INSL6: variants seen among roughly 807,000 people sequenced by gnomAD.
The protein encoded by INSL6 is insulin-like peptide INSL6.
A neutral mutation model predicts 9.4 loss-of-function variants in INSL6; 16 were observed. The ratio of observed to expected loss-of-function variants is 1.70; its 90% CI spans 1.15 to 2.59. INSL6 has a LOEUF of 2.59. Ranked by LOEUF, INSL6 falls within the 30% of genes most tolerant of loss-of-function variation. The pLI is 0.00. For synonymous variants in INSL6, 154 were observed against 96.9 expected (o/e 1.59, Z -3.46); for missense variants, 391 against 257.3 (o/e 1.52, Z -3.56).
At chr9:5,079,639 A>T in the INSL6 span, among the ~76,000 whole-genome samples, 3 of 152,034 alleles carry the variant, frequency 2.0e-5, no homozygotes, top group Non-Finnish European at 1.5e-5. Context: ...AGGATAAACT[A>T]TATAAAAAAA....
the INSL6 span, chr9:5,022,281 A>G: frequency 8.1e-6 from 8 of 987,588 alleles, no homozygotes; most frequent in Non-Finnish European, 1.3e-5. Flanking sequence ...TGCTAATACT[A>G]GGTACATGCA....
At chr9:5,073,713 G>A in the INSL6 span, 2 of 1,610,922 alleles carry the variant, frequency 1.2e-6, no homozygotes, top group African/African-American at 2.7e-5. Flanking sequence ...CTTTGAAGCA[G>A]CAAGTATGAT....
intron 2 of INSL6, among the ~76,000 whole-genome samples, chr9:5,141,602 T>A (rs1824503508): frequency 6.6e-6 from 1 of 152,236 alleles, no homozygotes; most frequent in African/African-American, 2.4e-5. Context: ...AAGTTCCTTA[T>A]AGATGCTGGA....
chr9:5,066,817 A>T, the INSL6 span: 3 of 1,016,444 alleles, frequency 3.0e-6, no homozygotes, highest in Non-Finnish European at 4.3e-6. Flanking sequence ...ATTAGTGGTA[A>T]CACTTTATTT....
the INSL6 span, among the ~76,000 whole-genome samples, chr9:5,002,933 AG>A: frequency 6.6e-6 from 1 of 151,960 alleles, no homozygotes; most frequent in African/African-American, 2.4e-5. Context: ...ATAGAAGTTA[AG>A]GTTATTTTTT....
chr9:5,028,981 C>T, the INSL6 span, among the ~76,000 whole-genome samples: 1 of 152,178 alleles, frequency 6.6e-6, no homozygotes, highest in Non-Finnish European at 1.5e-5. Flanking sequence ...TTTTTAATTT[C>T]ATTCAAAAAC....
At chr9:5,088,202 C>G in the INSL6 span, among the ~76,000 whole-genome samples, 1 of 152,114 alleles carries the variant, frequency 6.6e-6, no homozygotes, top group Non-Finnish European at 1.5e-5. Flanking sequence ...TATTCTAGTT[C>G]CAATCTGACT....
At chr9:5,072,116 C>A in the INSL6 span, among the ~76,000 whole-genome samples, 1 of 152,156 alleles carries the variant, frequency 6.6e-6, no homozygotes, top group Non-Finnish European at 1.5e-5. Flanking sequence ...AAGAGAAAGT[C>A]AGATATTCTG....
chr9:5,127,974 A>ACAT (rs150581357), intron 3 of INSL6: 7,846 of 232,266 alleles, frequency 0.034, 246 homozygotes, highest in Non-Finnish European at 0.046. Flanking sequence ...AAATGAGCAT[A>ACAT]CATCTTAAAT....
At chr9:5,064,540 AGAAAAAAG>A in the INSL6 span, among the ~76,000 whole-genome samples, 7 of 151,992 alleles carry the variant, frequency 4.6e-5, no homozygotes, top group East Asian at 5.8e-4. Context: ...AAAAAAAAAA[AGAAAAAAG>A]GAAATGCTCA....
chr9:5,055,201 A>T, the INSL6 span, among the ~76,000 whole-genome samples: 1 of 152,016 alleles, frequency 6.6e-6, no homozygotes, highest in African/African-American at 2.4e-5. Flanking sequence ...TAATTATAAA[A>T]CTTGTTAACT....
chr9:5,133,201 A>G (rs1483994555), intron 3 of INSL6, among the ~76,000 whole-genome samples: 1 of 150,638 alleles, frequency 6.6e-6, no homozygotes, highest in Non-Finnish European at 1.5e-5. Flanking sequence ...GATGTCTAAA[A>G]TGTTCCTGGT....
chr9:4,994,415 A>C, the INSL6 span, among the ~76,000 whole-genome samples: 1 of 152,194 alleles, frequency 6.6e-6, no homozygotes, highest in Non-Finnish European at 1.5e-5. Flanking sequence ...AGTTTGTTTC[A>C]TTAGCTCTGG....
intron 3 of INSL6, among the ~76,000 whole-genome samples, chr9:5,133,099 G>A (rs916768164): frequency 6.6e-6 from 1 of 152,114 alleles, no homozygotes; most frequent in Non-Finnish European, 1.5e-5. Flanking sequence ...ACTGATGTTG[G>A]AGGATGAAAA....
At chr9:5,120,190 A>G (rs1262337794), downstream of INSL6, among the ~76,000 whole-genome samples, 2 of 152,352 alleles carry the variant, frequency 1.3e-5, no homozygotes, top group African/African-American at 4.8e-5. Context: ...ATGTCCTCAC[A>G]TGGACAAAAG....
intron 2 of INSL6, among the ~76,000 whole-genome samples, chr9:5,158,416 A>G (rs908026707): frequency 6.6e-6 from 1 of 152,220 alleles, no homozygotes; most frequent in Non-Finnish European, 1.5e-5. Flanking sequence ...AGACTGCCTC[A>G]TGGTAATTAA....
the INSL6 span, among the ~76,000 whole-genome samples, chr9:4,997,376 C>G: frequency 2.6e-5 from 4 of 152,286 alleles, no homozygotes; most frequent in East Asian, 7.7e-4. Flanking sequence ...CCTCCGGGAG[C>G]TTTTACTCAT....
At chr9:5,152,583 A>G (rs980791476) in intron 2 of INSL6, among the ~76,000 whole-genome samples, 7 of 152,220 alleles carry the variant, frequency 4.6e-5, no homozygotes, top group Non-Finnish European at 7.3e-5. Context: ...TTTAAAAAGA[A>G]GCGTCTAAAA....
At chr9:5,077,654 GA>G in the INSL6 span, 2 of 966,582 alleles carry the variant, frequency 2.1e-6, no homozygotes, top group Non-Finnish European at 2.9e-6. Context: ...TCTTTACCTG[GA>G]AACAAAAAAT....
Sources: allele counts gnomAD v4.1 joint callset (sites outside exome capture counted in the v4.1 genomes callset), GRCh38; gene constraint gnomAD v4.1.1; transcripts MANE v1.5; gene names NCBI Gene and HGNC (gene_info 2026-07-23, HGNC 2026-07-21).